KIF18A: variants seen among roughly 807,000 people sequenced by gnomAD.
KIF18A encodes kinesin family member 18A, also known as kinesin-like protein KIF18A.
In KIF18A, 67 loss-of-function variants were observed where a neutral mutation model predicts 103.3. The observed-to-expected ratio is 0.65, with a 90% CI of 0.53 to 0.79. The LOEUF is 0.79. Ranked by LOEUF, KIF18A falls within the 30% of genes least tolerant of loss-of-function variation. The pLI, the probability that KIF18A is intolerant of heterozygous loss-of-function variation, is 0.00. For synonymous variants in KIF18A, 367 were observed against 355.5 expected, an observed-to-expected ratio of 1.03 and a Z score of -0.36; for missense variants, 1,032 against 1,062.5, an observed-to-expected ratio of 0.97 and a Z score of 0.40.
In KIF18A at chr11:28,023,854, G is replaced by A; in HGVS notation, c.2505-4C>T. ...TAACGAACTGTTTGATGTAGAACTT[G>A]AGAGGAAAAGTTTTTAATTTAGTTA... On this transcript the variant is annotated splice_region_variant and splice_polypyrimidine_tract_variant and intron_variant, in intron 15 of 16. Transcript: ENST00000263181. 1 of 1,571,908 alleles carries A rather than the reference G, an allele frequency of 6.4e-7. No individual in the cohort carries two copies. Among genetic ancestry groups the A allele is most frequent in the Non-Finnish European group, 8.7e-7 (1 of 1,147,678 alleles).
rs578098705 is a variant in KIF18A, at chr11:28,091,432, C to G, written c.565G>C (p.Val189Leu). The change falls in exon 4 of 17, where the codon GTT becomes CTT. Residue 189 changes from valine (V) to leucine (L), a missense_variant. Val to Leu is a conservative substitution (Grantham distance 32). Coordinates refer to ENST00000263181, the MANE Select transcript of KIF18A (RefSeq NM_031217.4). ...VREDTQKGVVVHGLTLHQPKS... is the reference protein window; with the variant it reads ...VREDTQKGVVLHGLTLHQPKS... ...ACCTGGTGTAAAGTAAGTCCATGAA[C>G]GACCACCCCTTTTTGGGTATCTTCC... The G allele has an allele frequency of 1.2e-6, 2 of 1,604,352 alleles. No homozygotes were observed. The highest frequency in any genetic ancestry group is 2.2e-5 in the South Asian group (2 of 90,614).
At chr11:28,025,678 G>A (rs928940982) in intron 15 of KIF18A, among the ~76,000 whole-genome samples, 13 of 151,894 alleles carry the variant, frequency 8.6e-5, no homozygotes, top group African/African-American at 2.9e-4. Context: ...CTGATGAAAT[G>A]TTTAACATTT....
chr11:28,038,532 T>C (rs1850522110), intron 13 of KIF18A, among the ~76,000 whole-genome samples: 1 of 151,652 alleles, frequency 6.6e-6, no homozygotes, highest in African/African-American at 2.4e-5. Flanking sequence ...TACTGTATAA[T>C]ACTAACTTAA....
intron 7 of KIF18A, chr11:28,084,289 G>A (rs1851199904): frequency 6.6e-6 from 1 of 152,216 alleles, no homozygotes; most frequent in African/African-American, 2.4e-5. Context: ...CATCATCCTG[G>A]GCTGCAACAA....
In KIF18A at chr11:28,088,711, C is replaced by T. The variant is rs201394943; in HGVS notation, c.710G>A (p.Arg237Gln). The stretch of plus-strand genomic sequence containing the variant: ...GATACTTGCTGTTTTGTCTTGTTGT[C>T]GCAAGTAAATCTTTTTGAAATTACA... ...RSHAVFQIYL[R>Q]QQDKTASINQ... Residue 237 changes from arginine to glutamine, a missense_variant, in exon 6 of 17, where the codon CGA (arginine) becomes CAA (glutamine). Physicochemically the swap from Arg to Gln is conservative, Grantham distance 43. Coordinates refer to ENST00000263181, the MANE Select transcript of KIF18A (RefSeq NM_031217.4). The T allele has an allele frequency of 4.8e-5, 77 of 1,611,976 alleles. 1 individual carries two copies. The East Asian group carries it at 1.5e-3, about 31-fold the overall frequency.
chr11:28,072,813 C>T (rs1568887), intron 10 of KIF18A, among the ~76,000 whole-genome samples: 21,229 of 150,992 alleles, frequency 0.14, 1,652 homozygotes, highest in South Asian at 0.25. Flanking sequence ...CATTCTATTA[C>T]TCTATGTCTT....
intron 2 of KIF18A, among the ~76,000 whole-genome samples, chr11:28,096,609 G>C (rs1228964032): frequency 6.6e-6 from 1 of 152,032 alleles, no homozygotes; most frequent in African/African-American, 2.4e-5. Flanking sequence ...CATGAAAGAG[G>C]AAAAGAATAT....
At chr11:28,086,356 A>G (rs543757299) in intron 6 of KIF18A, among the ~76,000 whole-genome samples, 1 of 152,196 alleles carries the variant, frequency 6.6e-6, no homozygotes, top group Non-Finnish European at 1.5e-5. Context: ...TGAAATCACT[A>G]TAGTGTTCTA....
In KIF18A at chr11:28,095,718, C is replaced by A. The variant is rs548352307; in HGVS notation, c.326-918G>T. On this transcript the variant is annotated intron_variant, in intron 2 of 16. Coordinates refer to ENST00000263181, the MANE Select transcript of KIF18A (RefSeq NM_031217.4). ...GAATTTCTTCCAATGTATAAAAAAT[C>A]CACTCTGTGGGCCAGGCTCGGTGGC... Among the ~76,000 whole-genome samples, 4 of 152,166 alleles carry A rather than the reference C, an allele frequency of 2.6e-5. No homozygotes were observed. The South Asian group carries it at 8.3e-4, about 32-fold the overall frequency.
At position 28,091,495 on chromosome 11, in the gene KIF18A, G is replaced by C; in HGVS notation, c.502C>G (p.Arg168Gly). Residue 168 changes from arginine to glycine, a missense_variant, in exon 4 of 17, where the codon CGT becomes GGT. Transcript: ENST00000263181. ...GGCCCTGAATTTACTAAGAGATCAC[G>C]AATCTGTTCATTATATACCTTAAAA... Reference protein sequence around the residue: ...SYLEVYNEQIRDLLVNSGPLA... With the variant: ...SYLEVYNEQIGDLLVNSGPLA... 1 of 1,599,358 alleles carries C rather than the reference G, an allele frequency of 6.3e-7. No homozygotes were observed. The highest frequency in any genetic ancestry group is 8.6e-7 in the Non-Finnish European group (1 of 1,167,990).
intron 10 of KIF18A, among the ~76,000 whole-genome samples, chr11:28,073,886 A>C (rs555520981): frequency 6.6e-6 from 1 of 152,216 alleles, no homozygotes. Flanking sequence ...TGAGATGTTA[A>C]GTCAATATCA....
intron 15 of KIF18A, 52 bp downstream of exon 15, chr11:28,035,335 A>G: frequency 1.1e-6 from 1 of 899,822 alleles, no homozygotes; most frequent in Non-Finnish European, 1.7e-6. Context: ...TATAATATAT[A>G]AAGATTATCT....
At chr11:28,038,618 A>G (rs890871335) in intron 13 of KIF18A, among the ~76,000 whole-genome samples, 1 of 151,750 alleles carries the variant, frequency 6.6e-6, no homozygotes, top group African/African-American at 2.4e-5. Context: ...AAGTTAGAAA[A>G]TACACTTAAA....
At chr11:28,065,883 C>A (rs557860180) in intron 11 of KIF18A, among the ~76,000 whole-genome samples, 9 of 152,088 alleles carry the variant, frequency 5.9e-5, no homozygotes, top group Non-Finnish European at 7.4e-5. Context: ...CTTATATACA[C>A]AAACATATTT....
intron 13 of KIF18A, among the ~76,000 whole-genome samples, chr11:28,045,558 T>C (rs1462017790): frequency 6.6e-6 from 1 of 151,974 alleles, no homozygotes; most frequent in African/African-American, 2.4e-5. Flanking sequence ...TTAACATATG[T>C]ATAAATATAA....
In KIF18A at chr11:28,084,690, T is replaced by C. The variant is rs1363899891; in HGVS notation, c.1016A>G (p.Tyr339Cys). 21 of 1,612,982 alleles carry C rather than the reference T, an allele frequency of 1.3e-5. No individual in the cohort carries two copies. Among genetic ancestry groups the C allele is most frequent in the East Asian group, 2.2e-5 (1 of 44,848 alleles). ...CTTAAGAGTGTTATATGTGTCATCG[T>C]AGAATACAGAGGAAGGACTAACAGC... ...IAAVSPSSVFYDDTYNTLKYA... is the reference protein window; with the variant it reads ...IAAVSPSSVFCDDTYNTLKYA... Residue 339 changes from tyrosine to cysteine, a missense_variant, in exon 7 of 17, where the codon TAC becomes TGC. Tyr to Cys is a radical substitution (Grantham distance 194, BLOSUM62 -2). Transcript: ENST00000263181.
chr11:28,053,335 T>C (rs1850735790), intron 13 of KIF18A, among the ~76,000 whole-genome samples: 1 of 152,080 alleles, frequency 6.6e-6, no homozygotes, highest in South Asian at 2.1e-4. Context: ...GAAATTTGAA[T>C]GTTTTATAAT....
intron 16 of KIF18A, among the ~76,000 whole-genome samples, chr11:28,022,802 T>C (rs1850263615): frequency 6.6e-6 from 1 of 152,170 alleles, no homozygotes; most frequent in African/African-American, 2.4e-5. Context: ...GAACTTAAGG[T>C]AAACACTGGC....
At chr11:28,106,778 C>T (rs1040779845) in intron 1 of KIF18A, among the ~76,000 whole-genome samples, 1 of 152,052 alleles carries the variant, frequency 6.6e-6, no homozygotes, top group African/African-American at 2.4e-5. Context: ...CGAGACCAGC[C>T]TGGCCAACAC....
Sources: gnomAD v4.1 joint callset for allele counts (sites outside exome capture counted in the v4.1 genomes callset) on GRCh38, gnomAD v4.1.1 for gene constraint, MANE v1.5 for transcripts, NCBI Gene and HGNC (gene_info 2026-07-23, HGNC 2026-07-21) for gene names.